The following CNTLN variants were observed in gnomAD, a reference collection of about 807,000 sequenced individuals.
The protein encoded by CNTLN is centlein, centrosomal protein.
In CNTLN, 212 loss-of-function variants were observed where a neutral mutation model predicts 180.0. The ratio of observed to expected loss-of-function variants is 1.18; its 90% CI spans 1.05 to 1.32. The LOEUF (loss-of-function observed/expected upper bound fraction) is 1.32, where lower values mean the gene tolerates loss of function less well. Ranked by LOEUF, CNTLN falls within the 40% of genes most tolerant of loss-of-function variation. CNTLN has a pLI of 0.00. For synonymous variants in CNTLN, 722 were observed against 563.1 expected (o/e 1.28, Z -3.99); for missense variants, 2,095 against 1,610.9 (o/e 1.30, Z -5.14).
intron 2 of CNTLN, among the ~76,000 whole-genome samples, chr9:17,204,479 T>G (rs1386789232): frequency 6.6e-6 from 1 of 152,192 alleles, no homozygotes; most frequent in African/African-American, 2.4e-5. Flanking sequence ...CAGACCCTGC[T>G]TGGCTGGGTA....
At chr9:17,213,697 C>A (rs998187759) in intron 2 of CNTLN, among the ~76,000 whole-genome samples, 1 of 152,116 alleles carries the variant, frequency 6.6e-6, no homozygotes, top group South Asian at 2.1e-4. Flanking sequence ...GTCTAAGTCT[C>A]TTTGTAGGTC....
chr9:17,369,207 G>A (rs769613189), intron 13 of CNTLN, among the ~76,000 whole-genome samples: 11 of 151,996 alleles, frequency 7.2e-5, no homozygotes, highest in Non-Finnish European at 1.0e-4. Flanking sequence ...TTCCCCGTTC[G>A]CTTGGCACTT....
chr9:17,251,440 C>A (rs1030336337), intron 5 of CNTLN, among the ~76,000 whole-genome samples: 2 of 151,700 alleles, frequency 1.3e-5, no homozygotes, highest in African/African-American at 4.8e-5. Context: ...TTTTTTCTCT[C>A]TTTATGCTCT....
At chr9:17,314,126 G>A (rs779378387) in intron 8 of CNTLN, among the ~76,000 whole-genome samples, 1 of 152,156 alleles carries the variant, frequency 6.6e-6, no homozygotes, top group African/African-American at 2.4e-5. Context: ...TGAAATTTCT[G>A]TTATGCCCAA....
At chr9:17,273,630 C>T (rs1187124172) in intron 5 of CNTLN, 103 bp from the exon 6 acceptor site, 1 of 593,086 alleles carries the variant, frequency 1.7e-6, no homozygotes, top group Non-Finnish European at 2.7e-6. Flanking sequence ...AAAATTAAAA[C>T]TATTTTTCTC....
chr9:17,201,966 G>A (rs559714880), intron 2 of CNTLN, among the ~76,000 whole-genome samples: 8 of 152,236 alleles, frequency 5.3e-5, no homozygotes, highest in South Asian at 4.1e-4. Flanking sequence ...TCTGATGTGG[G>A]CATTTAGTGC....
At chr9:17,390,060 A>G (rs1336840937) in intron 14 of CNTLN, among the ~76,000 whole-genome samples, 1 of 152,006 alleles carries the variant, frequency 6.6e-6, no homozygotes, top group Non-Finnish European at 1.5e-5. Context: ...GAAGAAACCA[A>G]CCCTGCTGAC....
At chr9:17,254,974 T>C (rs994331490) in intron 5 of CNTLN, among the ~76,000 whole-genome samples, 2 of 151,768 alleles carry the variant, frequency 1.3e-5, no homozygotes, top group African/African-American at 4.8e-5. Context: ...ATAATGTTCA[T>C]AGTGTTCAGT....
At chr9:17,222,706 T>C (rs540904427) in intron 2 of CNTLN, among the ~76,000 whole-genome samples, 1 of 152,158 alleles carries the variant, frequency 6.6e-6, no homozygotes, top group South Asian at 2.1e-4. Flanking sequence ...AATACATTAA[T>C]ATTGCTAAAT....
At chr9:17,475,864 C>T (rs1450932086) in intron 23 of CNTLN, among the ~76,000 whole-genome samples, 1 of 80,662 alleles carries the variant, frequency 1.2e-5, no homozygotes, top group South Asian at 5.8e-4. Context: ...CAGAGCAAGA[C>T]TCTCTCTCAA....
At chr9:17,278,332 T>C (rs944701416) in intron 6 of CNTLN, among the ~76,000 whole-genome samples, 1 of 150,198 alleles carries the variant, frequency 6.7e-6, no homozygotes, top group Non-Finnish European at 1.5e-5. Flanking sequence ...TTTTTGCATA[T>C]GAACTTTAGA....
chr9:17,514,430 T>G, the CNTLN span, among the ~76,000 whole-genome samples: 1 of 152,162 alleles, frequency 6.6e-6, no homozygotes, highest in Admixed American at 6.6e-5. Flanking sequence ...ATCATTAACA[T>G]CGATCTAGCC....
chr9:17,135,607 A>T (rs1225529322), intron 1 of CNTLN, among the ~76,000 whole-genome samples, 182 bp downstream of exon 1: 1 of 151,894 alleles, frequency 6.6e-6, no homozygotes, highest in Non-Finnish European at 1.5e-5. Context: ...GGCTCCCCAA[A>T]CCCGGGCCCC....
chr9:17,143,485 T>A (rs1307957156), intron 2 of CNTLN, 109 bp downstream of exon 2: 4 of 807,438 alleles, frequency 5.0e-6, no homozygotes, highest in Admixed American at 2.6e-5. Flanking sequence ...TCATTTAATT[T>A]CTGAATAAAT....
At chr9:17,440,292 G>A (rs934751466) in intron 18 of CNTLN, among the ~76,000 whole-genome samples, 11 of 151,806 alleles carry the variant, frequency 7.2e-5, no homozygotes, top group East Asian at 1.9e-4. Flanking sequence ...CTGAAAACAC[G>A]GCCGGGCATG....
At chr9:17,156,315 C>T (rs866973228) in intron 2 of CNTLN, among the ~76,000 whole-genome samples, 6 of 152,194 alleles carry the variant, frequency 3.9e-5, no homozygotes, top group South Asian at 2.1e-4. Flanking sequence ...ACAGAACCAT[C>T]GTATCATCAT....
chr9:17,332,588 C>A lies in CNTLN; in HGVS notation c.1519-17C>A. 1 of 1,594,142 alleles carries A rather than the reference C, an allele frequency of 6.3e-7. No individual in the cohort carries two copies. The highest frequency in any genetic ancestry group is 1.2e-5 in the South Asian group (1 of 86,952). On this transcript the variant is annotated splice_polypyrimidine_tract_variant and intron_variant, in intron 9 of 25. Transcript: ENST00000380647. The stretch of plus-strand genomic sequence containing the variant: ...GTGTTCCAACTAGTTCAACCATGTC[C>A]TTGTTTTATTCTCGAGGAACCACCT...
At position 17,485,046 on chromosome 9, in the gene CNTLN, C is replaced by T. The variant is rs192717248; in HGVS notation, c.4041+566C>T. Among the ~76,000 whole-genome samples, 199 of 152,186 alleles carry T rather than the reference C, an allele frequency of 1.3e-3. 1 individual carries two copies. Among genetic ancestry groups the T allele is most frequent in the African/African-American group, 4.6e-3 (191 of 41,552 alleles). On this transcript the variant is annotated intron_variant, in intron 24 of 25. Coordinates refer to ENST00000380647, the MANE Select transcript of CNTLN (RefSeq NM_017738.4). The stretch of plus-strand genomic sequence containing the variant: ...ATAGTCTTTAATAGCATTTCAGCAC[C>T]TCTTGGGAAAGACACTGCATTTTTT...
intron 24 of CNTLN, among the ~76,000 whole-genome samples, chr9:17,485,426 C>G (rs1299565396): frequency 6.6e-6 from 1 of 152,068 alleles, no homozygotes; most frequent in Non-Finnish European, 1.5e-5. Flanking sequence ...TGGGTGAATT[C>G]CCAGTTTCTG....
Sources: gnomAD v4.1 joint callset for allele counts (sites outside exome capture counted in the v4.1 genomes callset) on GRCh38, gnomAD v4.1.1 for gene constraint, MANE v1.5 for transcripts, NCBI Gene and HGNC (gene_info 2026-07-23, HGNC 2026-07-21) for gene names.